TMEM71: variants seen among roughly 807,000 people sequenced by gnomAD.
TMEM71 encodes the protein transmembrane protein 71.
In TMEM71, 44 loss-of-function variants were observed where a neutral mutation model predicts 38.0. That is an observed-to-expected ratio of 1.16 (90% CI 0.91 to 1.49). The LOEUF (loss-of-function observed/expected upper bound fraction) is 1.49, where lower values mean the gene tolerates loss of function less well. TMEM71 is among the 40% of genes most tolerant of loss of function. The probability of loss-of-function intolerance (pLI) is 0.00; values close to 1 mark genes in which losing one functional copy is unlikely to be tolerated. For missense variants in TMEM71, 367 were observed against 348.6 expected, an observed-to-expected ratio of 1.05 and a Z score of -0.42; for synonymous variants, 133 against 122.5, an observed-to-expected ratio of 1.09 and a Z score of -0.56.
At chr8:132,771,186 T>C in the TMEM71 span, among the ~76,000 whole-genome samples, 1 of 152,216 alleles carries the variant, frequency 6.6e-6, no homozygotes, top group Non-Finnish European at 1.5e-5. Flanking sequence ...GATTATTTCT[T>C]CCTGCTTTAT....
At chr8:132,731,724 C>G (rs1432410312) in intron 5 of TMEM71, among the ~76,000 whole-genome samples, 1 of 152,136 alleles carries the variant, frequency 6.6e-6, no homozygotes, top group Non-Finnish European at 1.5e-5. Context: ...AAAAGAAAAA[C>G]AGGGAGGAAG....
chr8:132,741,825 C>A (rs1177043959), intron 5 of TMEM71, among the ~76,000 whole-genome samples: 1 of 152,158 alleles, frequency 6.6e-6, no homozygotes, highest in Non-Finnish European at 1.5e-5. Flanking sequence ...TGATGTCAGG[C>A]CCTCCACAAG....
rs1826371630 is a variant in TMEM71 at position 132,714,000 on chromosome 8, A to G, written c.867T>C (p.Cys289=). ...ATGACACAGGCAACACTTACCGAGC[A>G]CAGGCAGTGGTTTTGAAATAGCTGG... ...SLASYFKTTA[C]ARFVKI is the part of the protein sequence containing the mutation. Residue 289 remains cysteine (C), a synonymous_variant, in exon 9 of 10, where the codon TGT becomes TGC. Transcript: ENST00000677595. The G allele has an allele frequency of 6.2e-7, 1 of 1,613,768 alleles. No individual in the cohort carries two copies. Among genetic ancestry groups the G allele is most frequent in the Non-Finnish European group, 8.5e-7 (1 of 1,179,800 alleles).
At chr8:132,767,721 C>T in the TMEM71 span, among the ~76,000 whole-genome samples, 69 of 152,248 alleles carry the variant, frequency 4.5e-4, no homozygotes, top group African/African-American at 1.3e-3. Context: ...ATGATCTGCC[C>T]GCCTTGGCCT....
At chr8:132,761,187 C>G (rs560460337), upstream of TMEM71, among the ~76,000 whole-genome samples, 13 of 152,218 alleles carry the variant, frequency 8.5e-5, no homozygotes, top group African/African-American at 3.1e-4. Flanking sequence ...AATGTACATT[C>G]AAATATATAT....
Position 132,758,848 on chromosome 8 carries a change from G to T in TMEM71, c.32C>A (p.Pro11Gln). 6 of 1,613,502 alleles carry T rather than the reference G, an allele frequency of 3.7e-6. No individual in the cohort carries two copies. Among genetic ancestry groups the T allele is most frequent in the African/African-American group, 1.3e-5 (1 of 75,004 alleles). ...AGTTCTTCTACATTTACTTGCTACT[G>T]GTGTTGACATCAGTTGAGATATTCG... MYRISQLMST[P>Q]VASSSRLERE... The change falls in exon 2 of 10, where the codon CCA (proline) becomes CAA (glutamine). Residue 11 changes from proline to glutamine, a missense_variant. Coordinates refer to ENST00000677595, the MANE Select transcript of TMEM71 (RefSeq NM_001382403.1).
At chr8:132,738,779 A>T (rs1423181700) in intron 5 of TMEM71, among the ~76,000 whole-genome samples, 1 of 152,128 alleles carries the variant, frequency 6.6e-6, no homozygotes, top group Admixed American at 6.5e-5. Context: ...CAATTTAAGT[A>T]ATCCTTTGAT....
At chr8:132,763,660 A>T (rs1049364609), upstream of TMEM71, among the ~76,000 whole-genome samples, 2 of 152,172 alleles carry the variant, frequency 1.3e-5, no homozygotes, top group African/African-American at 4.8e-5. Context: ...CCATCTGTCA[A>T]AATTATTTGC....
chr8:132,752,167 C>T (rs1484315958), intron 3 of TMEM71, among the ~76,000 whole-genome samples, 170 bp from the exon 4 acceptor site: 1 of 152,226 alleles, frequency 6.6e-6, no homozygotes, highest in Admixed American at 6.5e-5. Context: ...CATCTCCTCA[C>T]CTATGACAGC....
intron 5 of TMEM71, among the ~76,000 whole-genome samples, chr8:132,746,390 T>TATATATATACACACAC: frequency 5.1e-5 from 1 of 19,654 alleles, no homozygotes; most frequent in Non-Finnish European, 1.5e-4. Flanking sequence ...TATATATACA[T>TATATATATACACACAC]ATATATATAC....
In TMEM71 at chr8:132,754,145, T is replaced by C. The variant is rs78528029; in HGVS notation, c.102-2148A>G. Among the ~76,000 whole-genome samples, 610 of 152,294 alleles carry C rather than the reference T, an allele frequency of 4.0e-3. 19 individuals are homozygous for C. In the East Asian group the frequency reaches 0.078, roughly 20 times the overall value. ...CCTTTAGGTGTGTCTGCCCAAGGGATATAGGGACTATCACCTCCCTCATTA... is the reference window on the plus strand; with the variant it reads ...CCTTTAGGTGTGTCTGCCCAAGGGACATAGGGACTATCACCTCCCTCATTA... On this transcript the variant is annotated intron_variant, in intron 3 of 9. Coordinates refer to ENST00000677595, the MANE Select transcript of TMEM71 (RefSeq NM_001382403.1).
At chr8:132,734,820 CT>C (rs1384294477) in intron 5 of TMEM71, among the ~76,000 whole-genome samples, 3 of 152,162 alleles carry the variant, frequency 2.0e-5, no homozygotes, top group African/African-American at 7.2e-5. Context: ...TTGAAGGTAT[CT>C]ATTTCATTCT....
chr8:132,768,287 T>C, the TMEM71 span, among the ~76,000 whole-genome samples: 1 of 152,194 alleles, frequency 6.6e-6, no homozygotes, highest in African/African-American at 2.4e-5. Flanking sequence ...TTGATTTTCT[T>C]ATACTTGGTG....
chr8:132,721,851 G>A (rs1176504583), intron 7 of TMEM71, among the ~76,000 whole-genome samples, 189 bp downstream of exon 7: 1 of 152,058 alleles, frequency 6.6e-6, no homozygotes, highest in African/African-American at 2.4e-5. Context: ...TCTAGGTTTT[G>A]TATGCTTTGT....
At chr8:132,737,312 T>TC (rs1827803964) in intron 5 of TMEM71, among the ~76,000 whole-genome samples, 1 of 152,230 alleles carries the variant, frequency 6.6e-6, no homozygotes, top group African/African-American at 2.4e-5. Flanking sequence ...TTTGTGCCAC[T>TC]CTGTCAGAAA....
upstream of TMEM71, among the ~76,000 whole-genome samples, chr8:132,761,252 A>G (rs1306043569): frequency 2.0e-5 from 3 of 151,940 alleles, no homozygotes; most frequent in African/African-American, 7.3e-5. Context: ...TTCTGGGGTC[A>G]CAAGACAGAA....
chr8:132,756,834 C>A (rs182817359), intron 3 of TMEM71, among the ~76,000 whole-genome samples: 1 of 152,028 alleles, frequency 6.6e-6, no homozygotes, highest in Non-Finnish European at 1.5e-5. Context: ...GGTGATCCAC[C>A]CACTTCGGCC....
At chr8:132,760,285 T>G (rs894020665) in intron 1 of TMEM71, 191 bp downstream of exon 1, 1 of 152,218 alleles carries the variant, frequency 6.6e-6, no homozygotes, top group Non-Finnish European at 1.5e-5. Flanking sequence ...AAATAATGTG[T>G]GCATACGTGT....
chr8:132,736,019 T>G (rs1425706), intron 5 of TMEM71, among the ~76,000 whole-genome samples: 47,076 of 152,092 alleles, frequency 0.31, 7,485 homozygotes, highest in Non-Finnish European at 0.33. Flanking sequence ...TGTTCTTGGT[T>G]AAGAAGAACT....
Sources: allele counts gnomAD v4.1 joint callset (sites outside exome capture counted in the v4.1 genomes callset), GRCh38; gene constraint gnomAD v4.1.1; transcripts MANE v1.5; gene names NCBI Gene and HGNC (gene_info 2026-07-23, HGNC 2026-07-21).